SSBP4: variants seen among roughly 807,000 people sequenced by gnomAD.
The protein encoded by SSBP4 is single-stranded DNA-binding protein 4.
In SSBP4, 33 loss-of-function variants were observed where a neutral mutation model predicts 64.6. That is an observed-to-expected ratio of 0.51 (90% CI 0.39 to 0.68). The LOEUF (loss-of-function observed/expected upper bound fraction) is 0.68, where lower values mean the gene tolerates loss of function less well. SSBP4 is among the 30% of genes least tolerant of loss of function. SSBP4 has a pLI of 0.00. For synonymous variants in SSBP4, 243 were observed against 224.0 expected (o/e 1.08, Z -0.76); for missense variants, 583 against 566.8 (o/e 1.03, Z -0.29).
chr19:18,430,858 C>T lies in SSBP4; in HGVS notation c.297C>T (p.Pro99=), dbSNP rs1357568779. 6.8e-6 allele frequency: 11 copies of T among 1,613,176 alleles called. No homozygotes were observed. Among genetic ancestry groups the T allele is most frequent in the Non-Finnish European group, 7.6e-6 (9 of 1,179,722 alleles). Residue 99 remains proline (P), a synonymous_variant, in exon 5 of 18, where the codon CCC becomes CCT. Transcript: ENST00000270061. ...CCTTACAGAGTGCTGCAGCCGCCCC[C>T]AGCCCCGTTATGGGGAGTATGGCCC... ...AFQDYSAAAA[P]SPVMGSMAPG... is the part of the protein sequence containing the mutation.
At chr19:18,414,271 G>A (rs979287001), upstream of SSBP4, among the ~76,000 whole-genome samples, 2 of 152,174 alleles carry the variant, frequency 1.3e-5, no homozygotes, top group Admixed American at 6.5e-5. Context: ...TTGCCTCTGG[G>A]TCGCTCACAT....
the SSBP4 span, among the ~76,000 whole-genome samples, chr19:18,410,182 G>C: frequency 6.6e-6 from 1 of 151,952 alleles, no homozygotes; most frequent in Non-Finnish European, 1.5e-5. Context: ...ATTTTTAGTA[G>C]AGACGGGGTT....
At position 18,434,279 on chromosome 19, in the gene SSBP4, T is replaced by G. The variant is rs1216444382; in HGVS notation, c.*33T>G. The G allele has an allele frequency of 1.2e-6, 2 of 1,608,998 alleles. No individual in the cohort carries two copies. On this transcript the variant is annotated 3_prime_UTR_variant, in exon 18 of 18. Transcript: ENST00000270061. ...GCAGCCCCGGGCCTCTCTGCGGGCCTAGGCTTCTGCCCAGCGCCCCTGCTC... is the reference window on the plus strand; with the variant it reads ...GCAGCCCCGGGCCTCTCTGCGGGCCGAGGCTTCTGCCCAGCGCCCCTGCTC...
intron 1 of SSBP4, among the ~76,000 whole-genome samples, chr19:18,425,203 C>G (rs2144717932): frequency 6.6e-6 from 1 of 152,164 alleles, no homozygotes; most frequent in South Asian, 2.1e-4. Flanking sequence ...CTTCGCAGCC[C>G]CCTCCTTCAG....
At chr19:18,413,285 G>A in the SSBP4 span, among the ~76,000 whole-genome samples, 5 of 151,812 alleles carry the variant, frequency 3.3e-5, no homozygotes, top group Non-Finnish European at 7.4e-5. Flanking sequence ...CTCAGCTCAC[G>A]GCAACCTCCG....
chr19:18,433,548 C>G, intron 15 of SSBP4, 37 bp from the exon 16 acceptor site: 1 of 1,546,020 alleles, frequency 6.5e-7, no homozygotes. Context: ...GGCGCCAGCA[C>G]GTCTGAGCCG....
At chr19:18,408,278 C>G in the SSBP4 span, among the ~76,000 whole-genome samples, 1 of 152,132 alleles carries the variant, frequency 6.6e-6, no homozygotes. Context: ...TGCCTCCGCT[C>G]CCTCCACCCT....
At chr19:18,430,133 C>G (rs559624170) in intron 4 of SSBP4, among the ~76,000 whole-genome samples, 2 of 152,286 alleles carry the variant, frequency 1.3e-5, no homozygotes, top group South Asian at 2.1e-4. Flanking sequence ...ACCATACAGA[C>G]AGGGGCCAGG....
upstream of SSBP4, among the ~76,000 whole-genome samples, chr19:18,415,536 AAC>A (rs1302918830): frequency 6.6e-6 from 1 of 152,116 alleles, no homozygotes; most frequent in Non-Finnish European, 1.5e-5. Context: ...ACTGTGCGGA[AAC>A]AGTCTTGCGG....
In SSBP4 at chr19:18,432,736, G is replaced by GT. The variant is rs748029151; in HGVS notation, c.786+2dup. The GT allele has an allele frequency of 6.2e-7, 1 of 1,601,966 alleles. No individual in the cohort carries two copies. Among genetic ancestry groups the GT allele is most frequent in the Non-Finnish European group, 8.5e-7 (1 of 1,171,484 alleles). ...CTCCTCATCCCCCGGCAGCTACACC[G>GT]TAAGTCTGAGCAAAGCTGGGTCACC... On this transcript the variant is annotated splice_donor_variant, in intron 12 of 17. Transcript: ENST00000270061. LOFTEE classifies it high-confidence loss of function.
chr19:18,428,020 G>C (rs367734533), intron 4 of SSBP4, 38 bp downstream of exon 4: 1 of 1,594,556 alleles, frequency 6.3e-7, no homozygotes, highest in Non-Finnish European at 8.5e-7. Flanking sequence ...GCTCCAGGGC[G>C]GGAGGTGTGC....
chr19:18,431,777 C>CCTCT lies in SSBP4; in HGVS notation c.496-16_496-15insCTCT. The CCTCT allele has an allele frequency of 6.5e-7, 1 of 1,540,940 alleles. No homozygotes were observed. Among genetic ancestry groups the CCTCT allele is most frequent in the Non-Finnish European group, 8.8e-7 (1 of 1,138,808 alleles). Reference sequence around the variant, plus strand: ...GGGAGCACCCCACACTCAGTGCCGCCGCACCCCCTCCGCAGCCTCCCGCAG... The same window carrying CCTCT: ...GGGAGCACCCCACACTCAGTGCCGCCCTCTGCACCCCCTCCGCAGCCTCCCGCAG... On this transcript the variant is annotated splice_polypyrimidine_tract_variant and intron_variant, in intron 7 of 17. Coordinates refer to ENST00000270061, the MANE Select transcript of SSBP4 (RefSeq NM_032627.5).
At chr19:18,418,649 C>G (rs944117194), upstream of SSBP4, among the ~76,000 whole-genome samples, 1 of 152,184 alleles carries the variant, frequency 6.6e-6, no homozygotes, top group African/African-American at 2.4e-5. This position sits in a 1 kb window ranked among gnomAD's most constrained non-coding sequence, Gnocchi z 6.7. Flanking sequence ...TGTCTGTGTG[C>G]CTGGGTTGTG....
intron 16 of SSBP4, 24 bp from the exon 17 acceptor site, chr19:18,433,686 C>T (rs1202611559): frequency 7.2e-7 from 1 of 1,390,706 alleles, no homozygotes; most frequent in African/African-American, 1.5e-5. Context: ...CGGGGAGTTG[C>T]GAGCCGACGG....
At chr19:18,434,015 C>T (rs1973778598) in intron 17 of SSBP4, 198 bp downstream of exon 17, 5 of 1,278,398 alleles carry the variant, frequency 3.9e-6, no homozygotes, top group South Asian at 4.8e-5. Flanking sequence ...TTCACCGTCC[C>T]GATCCCATCC....
chr19:18,433,653 G>C (rs750781042), intron 16 of SSBP4, 40 bp downstream of exon 16: 17 of 1,426,182 alleles, frequency 1.2e-5, no homozygotes, highest in African/African-American at 1.5e-5. Flanking sequence ...GGATCCGGGG[G>C]GGGTGGCGGG....
intron 16 of SSBP4, 31 bp from the exon 17 acceptor site, chr19:18,433,679 G>A (rs1216054898): frequency 3.6e-6 from 5 of 1,380,552 alleles, no homozygotes; most frequent in East Asian, 6.0e-5. Context: ...GGCGGGGCGG[G>A]GAGTTGCGAG....
At chr19:18,429,927 C>T (rs1167959483) in intron 4 of SSBP4, among the ~76,000 whole-genome samples, 1 of 152,196 alleles carries the variant, frequency 6.6e-6, no homozygotes, top group East Asian at 1.9e-4. Context: ...CAGGAGCCCT[C>T]CTCTAGGCAG....
At chr19:18,412,567 A>G in the SSBP4 span, among the ~76,000 whole-genome samples, 4 of 151,012 alleles carry the variant, frequency 2.6e-5, no homozygotes, top group African/African-American at 7.3e-5. Flanking sequence ...TGGTGCCTCC[A>G]CTCCCTGATT....
Sources: allele counts gnomAD v4.1 joint callset (sites outside exome capture counted in the v4.1 genomes callset), GRCh38; gene constraint gnomAD v4.1.1; non-coding constraint Gnocchi (gnomAD v3.1); transcripts MANE v1.5; gene names NCBI Gene and HGNC (gene_info 2026-07-23, HGNC 2026-07-21).